Variants in EXPH5 observed in about 807,000 individuals in gnomAD.
The protein encoded by EXPH5 is exophilin-5.
EXPH5 carries 42 observed loss-of-function variants against 41.1 expected under a neutral mutation model. The ratio of observed to expected loss-of-function variants is 1.02; its 90% CI spans 0.80 to 1.32. The LOEUF is 1.32. Among genes scored for constraint, EXPH5 ranks in the 40% most tolerant of loss-of-function variants. EXPH5 has a pLI of 0.00. For missense variants in EXPH5, 2,298 were observed against 2,314.5 expected (o/e 0.99, Z 0.15); for synonymous variants, 798 against 833.5 (o/e 0.96, Z 0.73).
Position 108,512,967 on chromosome 11 carries a change from T to C in EXPH5, c.2540A>G (p.Asn847Ser). Residue 847 changes from asparagine (N) to serine (S), a missense_variant, in exon 6 of 6, where the codon AAC (asparagine) becomes AGC (serine). Coordinates refer to ENST00000265843, the MANE Select transcript of EXPH5 (RefSeq NM_015065.3). ...ATCAGTCAGTGCAGAGCTCCAGTGG[T>C]TATTTGTAATAATTCTTGAAATATC... ...NEDISRIITN[N>S]HWSSALTDTQ... 1 of 1,613,086 alleles carries C rather than the reference T, an allele frequency of 6.2e-7. No individual in the cohort carries two copies. Among genetic ancestry groups the C allele is most frequent in the African/African-American group, 1.3e-5 (1 of 74,988 alleles).
At chr11:108,566,647 G>T (rs1273586206) in intron 1 of EXPH5, among the ~76,000 whole-genome samples, 1 of 152,010 alleles carries the variant, frequency 6.6e-6, no homozygotes, top group African/African-American at 2.4e-5. Context: ...GAGTCTAGGA[G>T]TTCAAGAATG....
chr11:108,542,330 T>C (rs1391151892), intron 1 of EXPH5, among the ~76,000 whole-genome samples: 3 of 125,298 alleles, frequency 2.4e-5, no homozygotes, highest in Non-Finnish European at 4.6e-5. Flanking sequence ...ATTTTAGGTG[T>C]ATTCTTTTTT....
intron 3 of EXPH5, among the ~76,000 whole-genome samples, chr11:108,536,003 T>G (rs2093877330): frequency 6.6e-6 from 1 of 152,192 alleles, no homozygotes; most frequent in African/African-American, 2.4e-5. Flanking sequence ...ACATGTTACA[T>G]GCACTAGATA....
chr11:108,570,594 G>A (rs73550535), intron 1 of EXPH5, among the ~76,000 whole-genome samples: 4,633 of 152,276 alleles, frequency 0.03, 263 homozygotes, highest in African/African-American at 0.11. Flanking sequence ...TGCTCGGGCT[G>A]CAGTGCAGTG....
At position 108,528,119 on chromosome 11, in the gene EXPH5, G is replaced by C. The variant is rs374115574; in HGVS notation, c.492+17C>G. The C allele has an allele frequency of 5.1e-6, 8 of 1,563,212 alleles. No homozygotes were observed. Among genetic ancestry groups the C allele is most frequent in the Non-Finnish European group, 7.1e-6 (8 of 1,134,146 alleles). ...TCTGAATTTCTTAGAGTAACCTGTA[G>C]TTATCTGGTTACTTACCACAGCAGC... On this transcript the variant is annotated intron_variant, in intron 4 of 5. Transcript: ENST00000265843.
At chr11:108,560,590 C>T (rs2094007297) in intron 1 of EXPH5, among the ~76,000 whole-genome samples, 2 of 152,218 alleles carry the variant, frequency 1.3e-5, no homozygotes, top group African/African-American at 4.8e-5. Context: ...TGATTCAAAA[C>T]ACACATATTG....
At chr11:108,516,939 T>C (rs903311726) in intron 5 of EXPH5, among the ~76,000 whole-genome samples, 3 of 152,198 alleles carry the variant, frequency 2.0e-5, no homozygotes, top group African/African-American at 7.2e-5. Flanking sequence ...TAAAAATCTA[T>C]CTTTAAAACA....
intron 1 of EXPH5, among the ~76,000 whole-genome samples, chr11:108,562,644 T>C (rs755906098): frequency 6.6e-6 from 1 of 151,736 alleles, no homozygotes; most frequent in Non-Finnish European, 1.5e-5. Flanking sequence ...TTACATTCAA[T>C]GCAAAAGACT....
At chr11:108,605,675 C>T in the EXPH5 span, among the ~76,000 whole-genome samples, 1 of 152,230 alleles carries the variant, frequency 6.6e-6, no homozygotes, top group Non-Finnish European at 1.5e-5. Flanking sequence ...GTGGGATACA[C>T]TCTGCTAATT....
At chr11:108,553,610 TG>T (rs1247994877) in intron 1 of EXPH5, among the ~76,000 whole-genome samples, 34 of 152,258 alleles carry the variant, frequency 2.2e-4, no homozygotes, top group Admixed American at 3.9e-4. Flanking sequence ...TATTTGGTTG[TG>T]TCACCAGGCT....
intron 1 of EXPH5, among the ~76,000 whole-genome samples, chr11:108,592,788 C>T (rs75152240): frequency 7.9e-5 from 12 of 152,258 alleles, no homozygotes; most frequent in African/African-American, 2.9e-4. Flanking sequence ...TTCCAGCCAA[C>T]CCCGTGTGTC....
At chr11:108,603,722 G>A in the EXPH5 span, among the ~76,000 whole-genome samples, 1 of 152,150 alleles carries the variant, frequency 6.6e-6, no homozygotes, top group Non-Finnish European at 1.5e-5. Context: ...GTAAACACTG[G>A]CAAGATACAA....
rs150301398 is a variant in EXPH5 at position 108,556,575 on chromosome 11, C to T, written c.120-14763G>A. On this transcript the variant is annotated intron_variant, in intron 1 of 5. Coordinates refer to ENST00000265843, the MANE Select transcript of EXPH5 (RefSeq NM_015065.3). ...GCAACCTCTGCCTCCTAGGTTCAAG[C>T]GATTCTCCTGCCTCAGCCTCCCGAG... Among the ~76,000 whole-genome samples the T allele has an allele frequency of 1.4e-3, 213 of 152,204 alleles. 1 individual carries two copies. Among genetic ancestry groups the T allele is most frequent in the African/African-American group, 4.6e-3 (193 of 41,552 alleles).
At chr11:108,527,943 C>T (rs1477736437) in intron 4 of EXPH5, among the ~76,000 whole-genome samples, 193 bp downstream of exon 4, 2 of 152,186 alleles carry the variant, frequency 1.3e-5, no homozygotes, top group African/African-American at 2.4e-5. Context: ...TCCTTCCTGG[C>T]AGAGAATTCC....
intron 3 of EXPH5, among the ~76,000 whole-genome samples, chr11:108,531,382 C>G (rs1019233969): frequency 1.3e-5 from 2 of 152,152 alleles, no homozygotes; most frequent in South Asian, 2.1e-4. Context: ...GTGTTTGAGA[C>G]CAGCCTGGCC....
chr11:108,570,687 G>T lies in EXPH5; in HGVS notation c.119+22731C>A, dbSNP rs1248494806. ...GCCTCTTAAACAGCTGGAACTACAG[G>T]CATGTGCCACCATGTCCGGCTAATT... On this transcript the variant is annotated intron_variant, in intron 1 of 5. Transcript: ENST00000265843. 2.0e-5 allele frequency among the ~76,000 whole-genome samples: 3 copies of T among 152,128 alleles called. No homozygotes were observed. In the East Asian group the frequency reaches 5.8e-4, roughly 29 times the overall value.
At chr11:108,562,265 G>GGT (rs2094015220) in intron 1 of EXPH5, among the ~76,000 whole-genome samples, 1 of 104,602 alleles carries the variant, frequency 9.6e-6, no homozygotes, top group East Asian at 2.3e-4. Flanking sequence ...TTTTTTCTGT[G>GGT]TTTTTTTTTT....
At chr11:108,592,958 TG>T (rs757389107) in intron 1 of EXPH5, among the ~76,000 whole-genome samples, 3 of 152,218 alleles carry the variant, frequency 2.0e-5, no homozygotes, top group Non-Finnish European at 2.9e-5. Flanking sequence ...GAGGGAAAAC[TG>T]CGTTAGGCGA....
At position 108,514,632 on chromosome 11, in the gene EXPH5, C is replaced by T; in HGVS notation, c.875G>A (p.Ser292Asn). 1 of 1,608,794 alleles carries T rather than the reference C, an allele frequency of 6.2e-7. No homozygotes were observed. The change falls in exon 6 of 6, where the codon AGC becomes AAC. Residue 292 changes from serine to asparagine, a missense_variant. Ser to Asn is a conservative substitution (Grantham distance 46, BLOSUM62 1). Transcript: ENST00000265843. ...TGTCCTATACATATCATAAATTGTGCTTGTCCTAGGAGAAAAGGTTTTAAA... is the reference window on the plus strand; with the variant it reads ...TGTCCTATACATATCATAAATTGTGTTTGTCCTAGGAGAAAAGGTTTTAAA... ...EGFKTFSPRT[S>N]TIYDMYRTRE...
Sources: gnomAD v4.1 joint callset for allele counts (sites outside exome capture counted in the v4.1 genomes callset) on GRCh38, gnomAD v4.1.1 for gene constraint, MANE v1.5 for transcripts, NCBI Gene and HGNC (gene_info 2026-07-23, HGNC 2026-07-21) for gene names.